ATP2C2: variants seen among roughly 807,000 people sequenced by gnomAD.
ATP2C2 encodes the protein calcium-transporting ATPase type 2C member 2.
A neutral mutation model predicts 110.8 loss-of-function variants in ATP2C2; 171 were observed. The ratio of observed to expected loss-of-function variants is 1.54; its 90% CI spans 1.36 to 1.75. ATP2C2 has a LOEUF of 1.75. Ranked by LOEUF, ATP2C2 falls within the 40% of genes most tolerant of loss-of-function variation. The pLI is 0.00. For synonymous variants in ATP2C2, 804 were observed against 508.4 expected (o/e 1.58, Z -7.82); for missense variants, 1,963 against 1,235.0 (o/e 1.59, Z -8.84).
rs571026484 is a variant in ATP2C2 at position 84,452,865 on chromosome 16, C to T, written c.1832-273C>T. ...GGAAAAGGTTCACGGGCTTTGGAAT[C>T]AGAGCCGTGTCAGGTTCCAGTGTTA... On this transcript the variant is annotated intron_variant, in intron 18 of 26. Transcript: ENST00000262429. Among the ~76,000 whole-genome samples, 13 of 152,268 alleles carry T rather than the reference C, an allele frequency of 8.5e-5. No individual in the cohort carries two copies. The South Asian group carries it at 2.7e-3, about 32-fold the overall frequency.
chr16:84,425,964 G>GTA (rs1907779411), intron 11 of ATP2C2, 163 bp downstream of exon 11: 1 of 756,610 alleles, frequency 1.3e-6, no homozygotes, highest in South Asian at 1.7e-5. Context: ...TCTCCGACAG[G>GTA]TACAGAGTGC....
intron 1 of ATP2C2, among the ~76,000 whole-genome samples, chr16:84,380,369 TTTCC>T (rs1220891840): frequency 2.0e-5 from 3 of 152,252 alleles, no homozygotes; most frequent in Non-Finnish European, 2.9e-5. Context: ...TCTTTCCCTT[TTTCC>T]TTCCTTCTTT....
At chr16:84,384,383 C>G (rs533147313) in intron 1 of ATP2C2, among the ~76,000 whole-genome samples, 15 of 152,234 alleles carry the variant, frequency 9.9e-5, no homozygotes, top group Admixed American at 6.5e-4. Flanking sequence ...AATGTTTCCT[C>G]GGGATTTGGC....
At chr16:84,456,369 G>T (rs1234854265) in intron 21 of ATP2C2, among the ~76,000 whole-genome samples, 2 of 151,920 alleles carry the variant, frequency 1.3e-5, no homozygotes, top group Admixed American at 1.3e-4. Context: ...GAGTGTATGT[G>T]TCCACAGCCA....
intron 1 of ATP2C2, among the ~76,000 whole-genome samples, chr16:84,391,394 C>T (rs1445359863): frequency 2.7e-4 from 41 of 152,208 alleles, no homozygotes; most frequent in Non-Finnish European, 1.5e-5. Flanking sequence ...AAGGCGTGTC[C>T]TCCCAAAAAC....
chr16:84,408,219 G>A (rs558783464), intron 3 of ATP2C2, among the ~76,000 whole-genome samples, 186 bp from the exon 4 acceptor site: 2 of 152,318 alleles, frequency 1.3e-5, no homozygotes, highest in East Asian at 1.9e-4. Context: ...GGTCAATTGG[G>A]TGGAGTTCCA....
intron 11 of ATP2C2, among the ~76,000 whole-genome samples, chr16:84,438,234 G>T (rs1908919293): frequency 6.6e-6 from 1 of 152,196 alleles, no homozygotes; most frequent in Non-Finnish European, 1.5e-5. Context: ...GTGAACACCT[G>T]TGTAGCCACT....
intron 24 of ATP2C2, chr16:84,461,346 C>A: frequency 2.9e-6 from 1 of 346,026 alleles, no homozygotes. Context: ...CATTTTCCCT[C>A]CAGCTCTCCC....
At chr16:84,411,512 G>C (rs1242381352) in intron 6 of ATP2C2, among the ~76,000 whole-genome samples, 1 of 152,176 alleles carries the variant, frequency 6.6e-6, no homozygotes, top group Non-Finnish European at 1.5e-5. Context: ...CACAATCTCA[G>C]TTCGCTGCAA....
At chr16:84,460,575 G>C (rs1335548455) in intron 23 of ATP2C2, 79 bp from the exon 24 acceptor site, 3 of 1,599,460 alleles carry the variant, frequency 1.9e-6, no homozygotes, top group East Asian at 4.5e-5. Context: ...TGGCCTGGGA[G>C]GCTCAGGCAC....
At position 84,463,899 on chromosome 16, in the gene ATP2C2, C is replaced by T; in HGVS notation, c.*167C>T. The stretch of plus-strand genomic sequence containing the variant: ...CAGGAACCTCGTGGGCTCCAGGGAC[C>T]CAGGCCCACATCCATCCAGCGTTCC... On this transcript the variant is annotated 3_prime_UTR_variant, in exon 27 of 27. Coordinates refer to ENST00000262429, the MANE Select transcript of ATP2C2 (RefSeq NM_014861.4). The T allele has an allele frequency of 1.6e-6, 1 of 636,642 alleles. No individual in the cohort carries two copies. Among genetic ancestry groups the T allele is most frequent in the East Asian group, 2.7e-5 (1 of 37,424 alleles). 39.4% of individuals were successfully genotyped at this position (636,642 alleles called of 1,614,324 possible). A position where few individuals can be genotyped will look rare whatever the true frequency, so the allele number is the denominator to read the frequency against.
intron 25 of ATP2C2, 39 bp downstream of exon 25, chr16:84,461,851 G>C (rs143506642): frequency 0.042 from 68,212 of 1,609,266 alleles, 1,708 homozygotes; most frequent in Middle Eastern, 0.067. Flanking sequence ...CAGAGCTGCT[G>C]TGTGTTCTCG....
intron 17 of ATP2C2, among the ~76,000 whole-genome samples, chr16:84,450,829 C>G (rs1277725580): frequency 6.6e-6 from 1 of 152,070 alleles, no homozygotes; most frequent in Non-Finnish European, 1.5e-5. Context: ...TTTTCTTAAC[C>G]TCTGTACCGC....
chr16:84,389,746 A>C (rs1346893016), intron 1 of ATP2C2, among the ~76,000 whole-genome samples: 1 of 105,442 alleles, frequency 9.5e-6, no homozygotes, highest in Non-Finnish European at 1.9e-5. Flanking sequence ...TTTGAGATGG[A>C]GTTTAGCTCT....
intron 10 of ATP2C2, among the ~76,000 whole-genome samples, chr16:84,425,100 C>A (rs1234975651): frequency 1.3e-5 from 2 of 152,052 alleles, no homozygotes; most frequent in South Asian, 2.1e-4. Context: ...ACACACACAC[C>A]CCGCTACCAT....
rs772123494 is a variant in ATP2C2 at position 84,422,540 on chromosome 16, G to T, written c.774+1G>T. 6.2e-7 allele frequency: 1 copy of T among 1,613,682 alleles called. No individual in the cohort carries two copies. The highest frequency in any genetic ancestry group is 8.5e-7 in the Non-Finnish European group (1 of 1,179,858). On this transcript the variant is annotated splice_donor_variant, in intron 8 of 26. Coordinates refer to ENST00000262429, the MANE Select transcript of ATP2C2 (RefSeq NM_014861.4). LOFTEE classifies it high-confidence loss of function. ...CCTGGTGCAGTATGGGAGGGGCCAG[G>T]TAAGCCCTGGGACACCGAGGCCTTG...
At chr16:84,438,240 C>T (rs895509129) in intron 11 of ATP2C2, among the ~76,000 whole-genome samples, 1 of 152,174 alleles carries the variant, frequency 6.6e-6, no homozygotes, top group South Asian at 2.1e-4. Context: ...ACCTGTGTAG[C>T]CACTACCCAG....
intron 20 of ATP2C2, 146 bp from the exon 21 acceptor site, chr16:84,454,672 C>G: frequency 2.4e-6 from 2 of 825,776 alleles, no homozygotes; most frequent in Non-Finnish European, 3.6e-6. Flanking sequence ...TCGCCCAATT[C>G]CCACAGCTAA....
Position 84,440,025 on chromosome 16 carries a change from G to A in ATP2C2, c.1209+501G>A, listed in dbSNP as rs190342075. Among the ~76,000 whole-genome samples, 196 of 152,292 alleles carry A rather than the reference G, an allele frequency of 1.3e-3. 1 individual carries two copies. The highest frequency in any genetic ancestry group is 4.2e-3 in the African/African-American group (173 of 41,572). ...TATTTTTGTATTTTCTAGTAGAGAC[G>A]GGGTATCACTATATGTTGGCCAGGC... On this transcript the variant is annotated intron_variant, in intron 13 of 26. Transcript: ENST00000262429.
Sources: allele counts gnomAD v4.1 joint callset (sites outside exome capture counted in the v4.1 genomes callset), GRCh38; gene constraint gnomAD v4.1.1; transcripts MANE v1.5; gene names NCBI Gene and HGNC (gene_info 2026-07-23, HGNC 2026-07-21).